SPART: variants seen among roughly 807,000 people sequenced by gnomAD.
The protein encoded by SPART is spastic paraplegia 20 (Troyer syndrome).
In SPART, 35 loss-of-function variants were observed where a neutral mutation model predicts 58.7. The observed-to-expected ratio is 0.60, with a 90% confidence interval of 0.46 to 0.79. The LOEUF is 0.79. Among genes scored for constraint, SPART ranks in the 30% least tolerant of loss-of-function variants. The probability of loss-of-function intolerance (pLI) is 0.00; values close to 1 mark genes in which losing one functional copy is unlikely to be tolerated. For missense variants in SPART, 730 were observed against 786.1 expected (o/e 0.93, Z 0.85); for synonymous variants, 284 against 280.7 (o/e 1.01, Z -0.12).
At chr13:36,309,773 G>C (rs1173678866) in intron 8 of SPART, among the ~76,000 whole-genome samples, 3 of 152,086 alleles carry the variant, frequency 2.0e-5, no homozygotes, top group Non-Finnish European at 4.4e-5. Flanking sequence ...CATCTATTGG[G>C]TACTATGCTT....
At chr13:36,345,680 C>A (rs1412090344) in intron 1 of SPART, 1 of 152,154 alleles carries the variant, frequency 6.6e-6, no homozygotes, top group African/African-American at 2.4e-5. Flanking sequence ...AGGGATCCGC[C>A]GCGCAGCTCA....
At chr13:36,368,199 A>G (rs1195103945) in intron 1 of SPART, 1 of 464,784 alleles carries the variant, frequency 2.2e-6, no homozygotes, top group Non-Finnish European at 4.5e-6. Flanking sequence ...CCCTTCCAGC[A>G]TGTTAAGCAC....
chr13:36,303,520 ATTAG>A lies in SPART; in HGVS notation c.*841_*844del, dbSNP rs1880195403. ...GAATCCCAGAATAAAAATGTTTACC[ATTAG>A]TAAACTCAATTGTTTATATATATTT... On this transcript the variant is annotated 3_prime_UTR_variant, in exon 9 of 9. Coordinates refer to ENST00000438666, the MANE Select transcript of SPART (RefSeq NM_015087.5). 6.6e-6 allele frequency: 1 copy of A among 152,152 alleles called. No individual in the cohort carries two copies. The highest frequency in any genetic ancestry group is 1.5e-5 in the Non-Finnish European group (1 of 68,010). 9.4% of individuals were successfully genotyped at this position (152,152 alleles called of 1,614,324 possible). A position where few individuals can be genotyped will look rare whatever the true frequency, so the allele number is the denominator to read the frequency against.
chr13:36,361,222 A>G (rs774055321), intron 1 of SPART, among the ~76,000 whole-genome samples: 3 of 152,230 alleles, frequency 2.0e-5, no homozygotes, highest in Non-Finnish European at 4.4e-5. Context: ...AACAAAATAC[A>G]TTAAACTAAG....
chr13:36,328,063 A>C (rs1883120193), intron 4 of SPART, among the ~76,000 whole-genome samples: 1 of 152,068 alleles, frequency 6.6e-6, no homozygotes, highest in African/African-American at 2.4e-5. Flanking sequence ...TAGGGCCCAG[A>C]CTTATTTTTT....
chr13:36,318,637 C>T (rs1882000285), intron 5 of SPART, among the ~76,000 whole-genome samples: 2 of 152,210 alleles, frequency 1.3e-5, no homozygotes, highest in Non-Finnish European at 2.9e-5. Context: ...GCCCCATCTC[C>T]AGCACACAAG....
At chr13:36,358,360 A>G (rs1885704410) in intron 1 of SPART, among the ~76,000 whole-genome samples, 1 of 152,208 alleles carries the variant, frequency 6.6e-6, no homozygotes, top group Admixed American at 6.5e-5. Context: ...TTGAAAAACC[A>G]TCATCTCCCT....
chr13:36,345,796 C>T (rs1011889825), intron 1 of SPART, among the ~76,000 whole-genome samples: 16 of 152,166 alleles, frequency 1.1e-4, no homozygotes, highest in African/African-American at 3.6e-4. Context: ...GAAAGGCTGC[C>T]CAACCTTGAC....
At position 36,314,362 on chromosome 13, in the gene SPART, G is replaced by A. The variant is rs1310520049; in HGVS notation, c.1348C>T (p.Gln450Ter). 1.2e-6 allele frequency: 2 copies of A among 1,613,976 alleles called. No individual in the cohort carries two copies. The highest frequency in any genetic ancestry group is 2.2e-5 in the South Asian group (2 of 91,072). ...KGAEITGKAI[Q>*]KGASKLRERI... ...TCTCGGAGTTTAGAAGCACCTTTCT[G>A]GATTGCCTTACCAGTAATCTCAGCA... The change falls in exon 6 of 9, where the codon CAG becomes TAG. Residue 450 changes from glutamine to a stop codon, truncating the protein, a stop_gained. Coordinates refer to ENST00000438666, the MANE Select transcript of SPART (RefSeq NM_015087.5). LOFTEE classifies it high-confidence loss of function.
At chr13:36,319,610 C>A (rs1177838326) in intron 5 of SPART, among the ~76,000 whole-genome samples, 2 of 149,316 alleles carry the variant, frequency 1.3e-5, no homozygotes. Context: ...ATTGTTTTGC[C>A]TTTCCACCCC....
Position 36,304,356 on chromosome 13 carries a change from A to G in SPART, c.*9T>C, listed in dbSNP as rs757583249. ...TAAGGCTTTGGTATAAGTGATTCCCAGCACTTCATCATTTATCTTTCTTCT... is the reference window on the plus strand; with the variant it reads ...TAAGGCTTTGGTATAAGTGATTCCCGGCACTTCATCATTTATCTTTCTTCT... On this transcript the variant is annotated 3_prime_UTR_variant, in exon 9 of 9. Transcript: ENST00000438666. The G allele has an allele frequency of 2.0e-5, 33 of 1,613,908 alleles. No homozygotes were observed. In the East Asian group the frequency reaches 6.9e-4, roughly 34 times the overall value.
chr13:36,311,885 C>T (rs781563532), intron 8 of SPART, among the ~76,000 whole-genome samples: 12 of 151,448 alleles, frequency 7.9e-5, no homozygotes, highest in Non-Finnish European at 1.5e-4. Flanking sequence ...GTCAGGAGTT[C>T]GAGACCAGCC....
At chr13:36,356,463 A>G (rs1885626915) in intron 1 of SPART, among the ~76,000 whole-genome samples, 1 of 152,136 alleles carries the variant, frequency 6.6e-6, no homozygotes, top group Non-Finnish European at 1.5e-5. Flanking sequence ...TCCTTTGCAA[A>G]TAAGAACTTG....
chr13:36,339,053 A>C (rs1884302405), intron 1 of SPART, among the ~76,000 whole-genome samples: 1 of 152,122 alleles, frequency 6.6e-6, no homozygotes, highest in African/African-American at 2.4e-5. Flanking sequence ...AAGAAGAGCA[A>C]TGTAATTTGG....
At chr13:36,334,911 G>A (rs931808249) in intron 2 of SPART, 110 bp downstream of exon 2, 4 of 841,244 alleles carry the variant, frequency 4.8e-6, no homozygotes, top group Non-Finnish European at 7.8e-6. Context: ...AAACAAAGTA[G>A]AATTTGTCGT....
chr13:36,326,224 G>A (rs1882916438), intron 5 of SPART: 4 of 329,280 alleles, frequency 1.2e-5, no homozygotes, highest in Non-Finnish European at 2.3e-5. Context: ...GACACATTCA[G>A]ACCACAGCTG....
At chr13:36,331,119 A>G (rs564499322) in intron 3 of SPART, among the ~76,000 whole-genome samples, 53 of 152,358 alleles carry the variant, frequency 3.5e-4, no homozygotes, top group South Asian at 8.3e-4. Context: ...TCCCCATTTT[A>G]TAAGTAAATT....
At chr13:36,329,784 A>G (rs1827880383) in intron 3 of SPART, among the ~76,000 whole-genome samples, 2 of 152,248 alleles carry the variant, frequency 1.3e-5, no homozygotes, top group Non-Finnish European at 2.9e-5. Flanking sequence ...AGTTGTTGGT[A>G]TAAGTTATCT....
intron 8 of SPART, among the ~76,000 whole-genome samples, chr13:36,309,972 C>A (rs1880923305): frequency 6.6e-6 from 1 of 152,164 alleles, no homozygotes; most frequent in Non-Finnish European, 1.5e-5. Flanking sequence ...CCAGACGGAG[C>A]AGATCGAACC....
Sources: allele counts gnomAD v4.1 joint callset (sites outside exome capture counted in the v4.1 genomes callset), GRCh38; gene constraint gnomAD v4.1.1; transcripts MANE v1.5; gene names NCBI Gene and HGNC (gene_info 2026-07-23, HGNC 2026-07-21).